The following STX8 variants were observed in gnomAD, a reference collection of about 807,000 sequenced individuals.
The protein encoded by STX8 is syntaxin-8.
In STX8, 23 loss-of-function variants were observed where a neutral mutation model predicts 37.5. The observed-to-expected ratio is 0.61, with a 90% CI of 0.44 to 0.87. The LOEUF is 0.87. STX8 is among the 40% of genes least tolerant of loss of function. The pLI, the probability that STX8 is intolerant of heterozygous loss-of-function variation, is 0.00. For missense variants in STX8, 313 were observed against 284.7 expected, an observed-to-expected ratio of 1.10 and a Z score of -0.71; for synonymous variants, 115 against 99.1, an observed-to-expected ratio of 1.16 and a Z score of -0.95.
At chr17:9,358,257 G>A (rs961246445) in intron 7 of STX8, among the ~76,000 whole-genome samples, 3 of 152,138 alleles carry the variant, frequency 2.0e-5, no homozygotes, top group Admixed American at 1.3e-4. Flanking sequence ...TACAGGGGAC[G>A]AACTCCAGGG....
intron 6 of STX8, among the ~76,000 whole-genome samples, chr17:9,479,307 G>A (rs1434493581): frequency 6.6e-6 from 1 of 152,108 alleles, no homozygotes; most frequent in Non-Finnish European, 1.5e-5. Flanking sequence ...GCTGAGGTGG[G>A]TGGATCACCT....
chr17:9,274,853 C>T (rs1907615345), intron 7 of STX8, among the ~76,000 whole-genome samples: 1 of 140,070 alleles, frequency 7.1e-6, no homozygotes, highest in African/African-American at 2.6e-5. Flanking sequence ...CAGGTTCAAG[C>T]AATTCTCCTG....
intron 7 of STX8, among the ~76,000 whole-genome samples, chr17:9,350,050 G>C (rs115124667): frequency 0.012 from 1,779 of 152,286 alleles, 52 homozygotes; most frequent in African/African-American, 0.041. Context: ...GTGTGACACT[G>C]CGTTAGGCTA....
intron 4 of STX8, among the ~76,000 whole-genome samples, chr17:9,509,682 C>T (rs926485042): frequency 3.3e-5 from 5 of 151,746 alleles, no homozygotes; most frequent in Non-Finnish European, 5.9e-5. Context: ...ACTACCCAAC[C>T]ACAAAAATAA....
At chr17:9,398,471 A>T (rs1485272014) in intron 6 of STX8, among the ~76,000 whole-genome samples, 1 of 152,210 alleles carries the variant, frequency 6.6e-6, no homozygotes, top group Non-Finnish European at 1.5e-5. Flanking sequence ...CTCAGAGGAA[A>T]CTAAGGAGAT....
At chr17:9,518,197 C>T (rs1905211775) in intron 4 of STX8, among the ~76,000 whole-genome samples, 1 of 152,092 alleles carries the variant, frequency 6.6e-6, no homozygotes, top group Non-Finnish European at 1.5e-5. Flanking sequence ...TCCTGACCCC[C>T]GTTCACTCCT....
chr17:9,303,817 G>A (rs1020459213), intron 7 of STX8, among the ~76,000 whole-genome samples: 1 of 151,892 alleles, frequency 6.6e-6, no homozygotes, highest in Non-Finnish European at 1.5e-5. Flanking sequence ...CTTAAATGCA[G>A]CAAACAAAAC....
At chr17:9,288,970 G>A (rs374851723) in intron 7 of STX8, among the ~76,000 whole-genome samples, 1 of 152,082 alleles carries the variant, frequency 6.6e-6, no homozygotes, top group South Asian at 2.1e-4. Flanking sequence ...GGGGGTAAGC[G>A]GGGAAGTTAT....
At chr17:9,344,470 A>C (rs188775938) in intron 7 of STX8, among the ~76,000 whole-genome samples, 4 of 152,162 alleles carry the variant, frequency 2.6e-5, no homozygotes, top group Non-Finnish European at 5.9e-5. Flanking sequence ...CATGTTGGTC[A>C]GGCTGGTCTC....
intron 1 of STX8, among the ~76,000 whole-genome samples, chr17:9,571,620 G>A (rs1023886831): frequency 4.4e-5 from 5 of 113,002 alleles, no homozygotes; most frequent in South Asian, 2.9e-4. Flanking sequence ...AAAAAAAAAA[G>A]TAATCTGGGC....
At chr17:9,487,217 CG>C (rs1906636409) in intron 6 of STX8, among the ~76,000 whole-genome samples, 1 of 152,160 alleles carries the variant, frequency 6.6e-6, no homozygotes, top group African/African-American at 2.4e-5. Context: ...CTAAGTACAA[CG>C]TATTTTGTTA....
At chr17:9,488,871 CGTGTGT>C (rs150176375) in intron 6 of STX8, among the ~76,000 whole-genome samples, 2 of 148,432 alleles carry the variant, frequency 1.3e-5, no homozygotes, top group Non-Finnish European at 3.0e-5. Flanking sequence ...CGCTCGGTCA[CGTGTGT>C]GTGTGTGTGT....
At chr17:9,384,959 A>AG (rs1469364288) in intron 6 of STX8, among the ~76,000 whole-genome samples, 1 of 151,954 alleles carries the variant, frequency 6.6e-6, no homozygotes, top group Non-Finnish European at 1.5e-5. Context: ...AAAAAAAAAA[A>AG]AATTGTGATG....
At chr17:9,475,293 T>TG (rs1202891495) in intron 6 of STX8, among the ~76,000 whole-genome samples, 11 of 152,104 alleles carry the variant, frequency 7.2e-5, no homozygotes, top group African/African-American at 2.7e-4. Flanking sequence ...AAACCAAAAC[T>TG]GGGGGTGGGG....
At chr17:9,327,895 C>A (rs1292659777) in intron 7 of STX8, among the ~76,000 whole-genome samples, 1 of 136,360 alleles carries the variant, frequency 7.3e-6, no homozygotes, top group African/African-American at 3.6e-5. Flanking sequence ...CCCTTCTTCC[C>A]TCCCTCCCTC....
chr17:9,539,079 C>T (rs1597730776), intron 4 of STX8, among the ~76,000 whole-genome samples: 1 of 152,302 alleles, frequency 6.6e-6, no homozygotes, highest in South Asian at 2.1e-4. Flanking sequence ...TAGACCAAGG[C>T]TTACTGCTTT....
At chr17:9,474,192 A>G (rs1906003421) in intron 6 of STX8, among the ~76,000 whole-genome samples, 1 of 152,112 alleles carries the variant, frequency 6.6e-6, no homozygotes, top group Middle Eastern at 3.2e-3. Context: ...AGGGCATGGG[A>G]GCTCTGTACC....
At chr17:9,435,055 C>T (rs531202233) in intron 6 of STX8, among the ~76,000 whole-genome samples, 1 of 152,316 alleles carries the variant, frequency 6.6e-6, no homozygotes, top group South Asian at 2.1e-4. Context: ...CCACATCTTT[C>T]TCCAATCAGT....
At chr17:9,258,859 C>T (rs58657134) in intron 7 of STX8, among the ~76,000 whole-genome samples, 6,106 of 152,292 alleles carry the variant, frequency 0.04, 181 homozygotes, top group African/African-American at 0.078. Context: ...CCACCCGCCC[C>T]AGGGCAGGGC....
Sources: allele counts gnomAD v4.1 joint callset (sites outside exome capture counted in the v4.1 genomes callset), GRCh38; gene constraint gnomAD v4.1.1; transcripts MANE v1.5; gene names NCBI Gene and HGNC (gene_info 2026-07-23, HGNC 2026-07-21).